CEBPZ: variants seen among roughly 807,000 people sequenced by gnomAD.
CEBPZ encodes CCAAT enhancer binding protein zeta.
CEBPZ carries 78 observed loss-of-function variants against 104.5 expected under a neutral mutation model. The ratio of observed to expected loss-of-function variants is 0.75; its 90% CI spans 0.62 to 0.90. The LOEUF is 0.90. Among genes scored for constraint, CEBPZ ranks in the 40% least tolerant of loss-of-function variants. The probability of loss-of-function intolerance (pLI) is 0.00; values close to 1 mark genes in which losing one functional copy is unlikely to be tolerated. For synonymous variants in CEBPZ, 470 were observed against 427.0 expected, an observed-to-expected ratio of 1.10 and a Z score of -1.24; for missense variants, 1,439 against 1,233.5, an observed-to-expected ratio of 1.17 and a Z score of -2.50.
intron 13 of CEBPZ, among the ~76,000 whole-genome samples, chr2:37,208,144 T>G (rs1344463884): frequency 6.6e-6 from 1 of 152,106 alleles, no homozygotes; most frequent in Non-Finnish European, 1.5e-5. Flanking sequence ...GTAGCACGAC[T>G]GAAACAGTAA....
In CEBPZ at chr2:37,228,295, C is replaced by G; in HGVS notation, c.898G>C (p.Asp300His). The change falls in exon 2 of 16, where the codon GAC (aspartate) becomes CAC (histidine). Residue 300 changes from aspartate to histidine, a missense_variant. Coordinates refer to ENST00000234170, the MANE Select transcript of CEBPZ (RefSeq NM_005760.3). ...KELLITDLLP[D>H]NRKLRIFSQR... is the part of the protein sequence containing the mutation. ...CTGAAAATCCTCAGCTTCCGATTGT[C>G]TGGCAAAAGGTCTGTGATAAGCAAC... The G allele has an allele frequency of 6.2e-7, 1 of 1,614,224 alleles. No homozygotes were observed. The highest frequency in any genetic ancestry group is 8.5e-7 in the Non-Finnish European group (1 of 1,180,040).
At chr2:37,216,030 C>T in intron 8 of CEBPZ, 110 bp downstream of exon 8, 2 of 725,356 alleles carry the variant, frequency 2.8e-6, no homozygotes, top group Non-Finnish European at 4.3e-6. Flanking sequence ...TGGATAATGT[C>T]TTTGATGCTC....
intron 5 of CEBPZ, among the ~76,000 whole-genome samples, chr2:37,218,884 G>T (rs546758228): frequency 2.0e-5 from 3 of 152,264 alleles, no homozygotes; most frequent in Admixed American, 6.5e-5. Context: ...AAAAGAATTT[G>T]TAACATTGTG....
intron 5 of CEBPZ, among the ~76,000 whole-genome samples, chr2:37,219,342 T>G (rs1664710492): frequency 6.6e-6 from 1 of 152,158 alleles, no homozygotes; most frequent in Admixed American, 6.5e-5. Flanking sequence ...ACATGTTACT[T>G]TAAGGTCAAG....
At chr2:37,205,998 T>C (rs933879684) in intron 13 of CEBPZ, among the ~76,000 whole-genome samples, 2 of 152,198 alleles carry the variant, frequency 1.3e-5, no homozygotes, top group East Asian at 1.9e-4. Context: ...GCTTTTATAA[T>C]TGAATGGTTT....
chr2:37,201,731 G>A lies in CEBPZ; in HGVS notation c.*33C>T, dbSNP rs370656061. 6.5e-5 allele frequency: 79 copies of A among 1,217,240 alleles called. No homozygotes were observed. The highest frequency in any genetic ancestry group is 1.2e-4 in the Admixed American group (6 of 51,710). 75.4% of individuals were successfully genotyped at this position (1,217,240 alleles called of 1,614,324 possible). A position where few individuals can be genotyped will look rare whatever the true frequency, so the allele number is the denominator to read the frequency against. On this transcript the variant is annotated 3_prime_UTR_variant, in exon 16 of 16. Coordinates refer to ENST00000234170, the MANE Select transcript of CEBPZ (RefSeq NM_005760.3). ...GTTGAACAGCAAAAATTAGATGTAA[G>A]TAGAATTTTAATCTATAATTTACAT...
In CEBPZ at chr2:37,212,348, T is replaced by C. The variant is rs1558471089; in HGVS notation, c.2590A>G (p.Met864Val). 1.2e-6 allele frequency: 2 copies of C among 1,613,384 alleles called. No homozygotes were observed. The highest frequency in any genetic ancestry group is 1.1e-5 in the South Asian group (1 of 91,064). ...GAAGTATGTTACCCAGCAAAATCCA[T>C]ATCATCCTTTCCAGAGCTGAAACAG... is the stretch of plus-strand genomic sequence containing the variant. ...DNCFSSGKDD[M>V]DFAGNVKKRT... The change falls in exon 11 of 16, where the codon ATG (methionine) becomes GTG (valine). Residue 864 changes from methionine (M) to valine (V), a missense_variant. Met to Val is a conservative substitution (Grantham distance 21). Transcript: ENST00000234170.
intron 2 of CEBPZ, among the ~76,000 whole-genome samples, chr2:37,224,627 T>A (rs2148360763): frequency 6.6e-6 from 1 of 152,346 alleles, no homozygotes; most frequent in Middle Eastern, 3.4e-3. Flanking sequence ...TTATTAGGCA[T>A]AAATTACATC....
chr2:37,209,122 A>G (rs565999301), intron 13 of CEBPZ: 37 of 152,244 alleles, frequency 2.4e-4, no homozygotes, highest in African/African-American at 8.9e-4. Context: ...GGAAAACTAC[A>G]AAACACTGCT....
At chr2:37,221,312 CCT>C (rs1401729396) in intron 4 of CEBPZ, among the ~76,000 whole-genome samples, 1 of 151,940 alleles carries the variant, frequency 6.6e-6, no homozygotes, top group African/African-American at 2.4e-5. Context: ...ATAGTGAGAC[CCT>C]GTCTCAAAAA....
chr2:37,213,856 C>T lies in CEBPZ; in HGVS notation c.2545+8G>A, dbSNP rs376501690. ...ATTATTTTACAAAGAGTCAACAAAA[C>T]AAATTACCAATCAGCTCTTCAAATT... On this transcript the variant is annotated splice_region_variant and intron_variant, in intron 10 of 15. Coordinates refer to ENST00000234170, the MANE Select transcript of CEBPZ (RefSeq NM_005760.3). 8 of 1,581,940 alleles carry T rather than the reference C, an allele frequency of 5.1e-6. No individual in the cohort carries two copies. The African/African-American group carries it at 9.5e-5, about 19-fold the overall frequency.
chr2:37,219,513 C>G (rs1049972265), intron 5 of CEBPZ, among the ~76,000 whole-genome samples: 4 of 151,620 alleles, frequency 2.6e-5, no homozygotes, highest in Admixed American at 2.0e-4. Flanking sequence ...CCTATCATTT[C>G]TTTTATAGTA....
Position 37,228,344 on chromosome 2 carries a change from A to G in CEBPZ, c.849T>C (p.Leu283=), listed in dbSNP as rs1386984748. The G allele has an allele frequency of 6.2e-7, 1 of 1,614,086 alleles. No homozygotes were observed. Among genetic ancestry groups the G allele is most frequent in the African/African-American group, 1.3e-5 (1 of 74,930 alleles). ...VKKKGSKQQC[L]MALDTFKELL... Reference sequence around the variant, plus strand: ...ACTCTTTGAAAGTATCCAAGGCCATAAGGCACTGCTGTTTGCTGCCCTTCT... The same window carrying G: ...ACTCTTTGAAAGTATCCAAGGCCATGAGGCACTGCTGTTTGCTGCCCTTCT... Residue 283 remains leucine, a synonymous_variant, in exon 2 of 16, where the codon CTT becomes CTC. Transcript: ENST00000234170.
intron 13 of CEBPZ, among the ~76,000 whole-genome samples, chr2:37,207,249 A>G (rs577231147): frequency 1.3e-5 from 2 of 152,378 alleles, no homozygotes; most frequent in East Asian, 3.9e-4. Context: ...GGTCATCAAG[A>G]CAGAAAGTCA....
chr2:37,231,317 C>G, intron 1 of CEBPZ, 95 bp downstream of exon 1: 1 of 1,568,566 alleles, frequency 6.4e-7, no homozygotes, highest in East Asian at 2.3e-5. Context: ...TGGACGCCCG[C>G]GCTCTACGCA....
chr2:37,217,907 A>AC (rs1553350863), intron 5 of CEBPZ, among the ~76,000 whole-genome samples: 30 of 149,934 alleles, frequency 2.0e-4, no homozygotes, highest in Middle Eastern at 3.4e-3. Flanking sequence ...GTCTCAAAAA[A>AC]AAAAAACAAA....
rs1677700126 is a variant in CEBPZ at position 37,210,890 on chromosome 2, C to G, written c.2884+109G>C. 7.0e-6 allele frequency: 4 copies of G among 572,918 alleles called. No homozygotes were observed. In the East Asian group the frequency reaches 1.3e-4, roughly 19 times the overall value. 35.5% of individuals were successfully genotyped at this position (572,918 alleles called of 1,614,324 possible). On this transcript the variant is annotated intron_variant, in intron 13 of 15. Transcript: ENST00000234170. ...ACATCTTTCTTAAAAAGAACCCCCCCCACCCCTGAATTTTATTAATCAAAT... is the reference window on the plus strand; with the variant it reads ...ACATCTTTCTTAAAAAGAACCCCCCGCACCCCTGAATTTTATTAATCAAAT...
chr2:37,208,203 C>G (rs1337665700), intron 13 of CEBPZ, among the ~76,000 whole-genome samples: 2 of 152,158 alleles, frequency 1.3e-5, no homozygotes, highest in Non-Finnish European at 2.9e-5. Context: ...GGATTCACAG[C>G]TGAATTCTAT....
intron 15 of CEBPZ, 122 bp from the exon 16 acceptor site, chr2:37,202,025 T>C: frequency 1.4e-6 from 1 of 725,682 alleles, no homozygotes; most frequent in East Asian, 2.6e-5. Context: ...TCCCACCCAC[T>C]ATACAAACCC....
Sources: gnomAD v4.1 joint callset for allele counts (sites outside exome capture counted in the v4.1 genomes callset) on GRCh38, gnomAD v4.1.1 for gene constraint, MANE v1.5 for transcripts, NCBI Gene and HGNC (gene_info 2026-07-23, HGNC 2026-07-21) for gene names.